Variants in LINGO1 observed in about 807,000 individuals in gnomAD.
LINGO1 encodes the protein leucine rich repeat and Ig domain containing 1.
Under a neutral mutation model 37.3 loss-of-function variants are expected in LINGO1, and 11 were observed. That is an observed-to-expected ratio of 0.29 (90% CI 0.19 to 0.49). LINGO1 has a LOEUF of 0.49. Among genes scored for constraint, LINGO1 ranks in the 20% least tolerant of loss-of-function variants. The pLI, the probability that LINGO1 is intolerant of heterozygous loss-of-function variation, is 0.99. For synonymous variants in LINGO1, 387 were observed against 403.0 expected, an observed-to-expected ratio of 0.96 and a Z score of 0.48; for missense variants, 585 against 878.2, an observed-to-expected ratio of 0.67 and a Z score of 4.22.
intron 2 of LINGO1, among the ~76,000 whole-genome samples, chr15:77,689,402 G>C (rs2075565188): frequency 6.6e-6 from 1 of 152,220 alleles, no homozygotes; most frequent in Non-Finnish European, 1.5e-5. Flanking sequence ...AGGCTGCCCA[G>C]ATGCCCTCTA....
chr15:77,647,791 T>G (rs111594428), intron 3 of LINGO1: 1 of 451,820 alleles, frequency 2.2e-6, no homozygotes, highest in Non-Finnish European at 4.5e-6. Context: ...CTCTCTTCTT[T>G]CCTTGTCTCT....
intron 3 of LINGO1, chr15:77,667,663 T>C (rs1468527594): frequency 6.6e-6 from 1 of 152,234 alleles, no homozygotes; most frequent in Non-Finnish European, 1.5e-5. Flanking sequence ...CCTCCACTTG[T>C]CTGCCAGGTC....
chr15:77,801,987 G>A (rs1237401030), intron 1 of LINGO1, among the ~76,000 whole-genome samples: 3 of 152,184 alleles, frequency 2.0e-5, no homozygotes, highest in Non-Finnish European at 4.4e-5. Context: ...AGGGATAAAG[G>A]GAACATAGAA....
intron 1 of LINGO1, chr15:77,735,168 G>C (rs1383459838): frequency 6.6e-6 from 1 of 152,312 alleles, no homozygotes; most frequent in African/African-American, 2.4e-5. Context: ...CTGTGTACTG[G>C]GCCAGATAGA....
chr15:77,721,689 A>G (rs930523332), intron 2 of LINGO1, among the ~76,000 whole-genome samples: 5 of 152,074 alleles, frequency 3.3e-5, no homozygotes, highest in Non-Finnish European at 7.4e-5. Context: ...GTCTGTTTTG[A>G]GGTGGGATGA....
intron 3 of LINGO1, among the ~76,000 whole-genome samples, chr15:77,676,417 A>C (rs1457463507): frequency 1.3e-5 from 2 of 152,268 alleles, no homozygotes; most frequent in Non-Finnish European, 2.9e-5. Flanking sequence ...GTTCAAATTT[A>C]ACTGGACAGC....
chr15:77,642,065 A>T, intron 3 of LINGO1: 1 of 444,854 alleles, frequency 2.2e-6, no homozygotes, highest in South Asian at 1.6e-5. Flanking sequence ...TGCGTGTGAC[A>T]TTTCTTGTGG....
chr15:77,807,701 A>G, intron 1 of LINGO1, among the ~76,000 whole-genome samples: 1 of 152,216 alleles, frequency 6.6e-6, no homozygotes, highest in South Asian at 2.1e-4. Context: ...AATCTGGTGG[A>G]TTTTCCCCTT....
At chr15:77,661,362 T>G (rs1470426452) in intron 3 of LINGO1, among the ~76,000 whole-genome samples, 1 of 152,214 alleles carries the variant, frequency 6.6e-6, no homozygotes, top group Admixed American at 6.5e-5. Context: ...GGGGACAAGC[T>G]GCCCCCAATG....
At chr15:77,621,676 C>G (rs560354520) in intron 1 of LINGO1, among the ~76,000 whole-genome samples, 4 of 152,166 alleles carry the variant, frequency 2.6e-5, no homozygotes, top group Non-Finnish European at 4.4e-5. Context: ...CCCCCAAACC[C>G]GACAAAAGCC....
intron 2 of LINGO1, among the ~76,000 whole-genome samples, chr15:77,724,606 T>A (rs77482274): frequency 6.6e-6 from 1 of 152,190 alleles, no homozygotes; most frequent in Non-Finnish European, 1.5e-5. Flanking sequence ...AGTTTCCTCA[T>A]CTGTGAAGTG....
At chr15:77,692,532 C>T (rs751542845) in intron 1 of LINGO1, among the ~76,000 whole-genome samples, 41 of 152,212 alleles carry the variant, frequency 2.7e-4, no homozygotes, top group Non-Finnish European at 1.2e-4. Flanking sequence ...AAAATAAGCA[C>T]ACAAACAAAA....
chr15:77,650,430 G>T (rs1206852021), intron 3 of LINGO1, among the ~76,000 whole-genome samples: 1 of 152,218 alleles, frequency 6.6e-6, no homozygotes, highest in Non-Finnish European at 1.5e-5. Context: ...TCTCCATGCA[G>T]GGAAGACTAG....
In LINGO1 at chr15:77,777,135, G is replaced by A. The variant is rs75111564; in HGVS notation, c.-257+9734C>T. On this transcript the variant is annotated intron_variant, in intron 1 of 3. Coordinates refer to the LINGO1 transcript ENST00000561686. ...AGGAGCTGGGCCTGCCACATGGAAGGTGCTCACCCCAGCCTTTCCCCAGCC... is the reference window on the plus strand; with the variant it reads ...AGGAGCTGGGCCTGCCACATGGAAGATGCTCACCCCAGCCTTTCCCCAGCC... Among the ~76,000 whole-genome samples the A allele has an allele frequency of 5.4e-3, 829 of 152,318 alleles. 7 individuals carry two copies. The highest frequency in any genetic ancestry group is 0.019 in the African/African-American group (786 of 41,568).
chr15:77,624,380 G>C (rs1370830080), intron 1 of LINGO1, among the ~76,000 whole-genome samples: 1 of 151,990 alleles, frequency 6.6e-6, no homozygotes, highest in East Asian at 1.9e-4. Flanking sequence ...ATGCTGACTG[G>C]GCATGGTGTG....
intron 2 of LINGO1, among the ~76,000 whole-genome samples, chr15:77,682,277 A>AGTGTGCGT (rs201519543): frequency 2.1e-5 from 3 of 139,832 alleles, no homozygotes; most frequent in African/African-American, 8.2e-5. Flanking sequence ...TAGAGATTAA[A>AGTGTGCGT]GTGTGTGTGT....
At chr15:77,769,194 C>A (rs1279193821) in intron 1 of LINGO1, among the ~76,000 whole-genome samples, 2 of 152,226 alleles carry the variant, frequency 1.3e-5, no homozygotes, top group African/African-American at 4.8e-5. Context: ...GTGGGAAGCC[C>A]CCATTGGCTG....
intron 1 of LINGO1, among the ~76,000 whole-genome samples, chr15:77,742,624 A>G (rs1206202168): frequency 6.6e-6 from 1 of 152,218 alleles, no homozygotes; most frequent in Non-Finnish European, 1.5e-5. Flanking sequence ...GCCACAAGAG[A>G]GCATCCCTCC....
At chr15:77,667,271 C>T (rs538288481) in intron 3 of LINGO1, among the ~76,000 whole-genome samples, 109 of 152,322 alleles carry the variant, frequency 7.2e-4, no homozygotes, top group African/African-American at 2.5e-3. Context: ...GAGCATAGGG[C>T]TGAGGAGCTG....
Sources: allele counts gnomAD v4.1 joint callset (sites outside exome capture counted in the v4.1 genomes callset), GRCh38; gene constraint gnomAD v4.1.1; transcripts MANE v1.5; gene names NCBI Gene and HGNC (gene_info 2026-07-23, HGNC 2026-07-21).